Variants in SGCZ observed in about 807,000 individuals in gnomAD.
The protein encoded by SGCZ is zeta-sarcoglycan.
A neutral mutation model predicts 41.3 loss-of-function variants in SGCZ; 40 were observed. That is an observed-to-expected ratio of 0.97 (90% CI 0.75 to 1.26). SGCZ has a LOEUF of 1.26. Ranked by LOEUF, SGCZ falls within the 50% of genes most tolerant of loss-of-function variation. The pLI is 0.00. For synonymous variants in SGCZ, 206 were observed against 137.5 expected (o/e 1.50, Z -3.49); for missense variants, 552 against 369.8 (o/e 1.49, Z -4.04).
chr8:14,643,751 A>T (rs1807110099), intron 1 of SGCZ, among the ~76,000 whole-genome samples: 1 of 151,734 alleles, frequency 6.6e-6, no homozygotes, highest in Non-Finnish European at 1.5e-5. Flanking sequence ...GTCTTGCATA[A>T]TATAGTATGC....
intron 1 of SGCZ, among the ~76,000 whole-genome samples, chr8:14,800,363 G>C (rs538252408): frequency 6.6e-5 from 10 of 152,256 alleles, no homozygotes; most frequent in African/African-American, 2.4e-4. Context: ...AGAGGAATAG[G>C]GAAGGGGTTA....
chr8:14,259,115 G>A (rs563394444), intron 3 of SGCZ, among the ~76,000 whole-genome samples: 27 of 152,128 alleles, frequency 1.8e-4, no homozygotes, highest in East Asian at 3.9e-4. Context: ...TCTAGTATAC[G>A]GATTTGTAAT....
chr8:15,121,428 T>C (rs984158127), intron 1 of SGCZ, among the ~76,000 whole-genome samples: 2 of 152,282 alleles, frequency 1.3e-5, no homozygotes, highest in Non-Finnish European at 2.9e-5. Context: ...ATGTGTCATA[T>C]AGCAGATGAC....
chr8:14,166,275 A>G (rs1033216006), intron 4 of SGCZ, among the ~76,000 whole-genome samples: 2 of 152,212 alleles, frequency 1.3e-5, no homozygotes, highest in Non-Finnish European at 2.9e-5. Context: ...TATGGAAACC[A>G]TTGAAGACCT....
At chr8:14,392,874 T>C (rs7813921) in intron 2 of SGCZ, among the ~76,000 whole-genome samples, 25,509 of 152,066 alleles carry the variant, frequency 0.17, 5,007 homozygotes, top group African/African-American at 0.48. Flanking sequence ...TATCTTTATG[T>C]TCTAATAAAA....
intron 1 of SGCZ, among the ~76,000 whole-genome samples, chr8:14,990,929 G>A (rs1379087679): frequency 6.6e-6 from 1 of 152,050 alleles, no homozygotes; most frequent in Non-Finnish European, 1.5e-5. Context: ...TCCAGCATAT[G>A]ATTTAGAGTT....
chr8:14,775,289 A>T (rs192669344), intron 1 of SGCZ, among the ~76,000 whole-genome samples: 188 of 152,254 alleles, frequency 1.2e-3, no homozygotes, highest in African/African-American at 4.1e-3. Context: ...CCATTCAGTA[A>T]TCAGCTTCTC....
chr8:14,871,245 G>C (rs1353869417), intron 1 of SGCZ, among the ~76,000 whole-genome samples: 1 of 152,016 alleles, frequency 6.6e-6, no homozygotes, highest in Non-Finnish European at 1.5e-5. Flanking sequence ...ACAGATGCTG[G>C]AGAGAATGTG....
chr8:15,182,693 A>C (rs1800214104), intron 1 of SGCZ, among the ~76,000 whole-genome samples: 1 of 152,208 alleles, frequency 6.6e-6, no homozygotes, highest in African/African-American at 2.4e-5. Flanking sequence ...GGACATTACT[A>C]TATACCACCG....
intron 1 of SGCZ, among the ~76,000 whole-genome samples, chr8:14,575,904 T>C (rs1403145652): frequency 3.0e-4 from 3 of 9,944 alleles, no homozygotes; most frequent in Admixed American, 1.1e-3. Context: ...AGACCCTGTC[T>C]CAAAATAACA....
intron 1 of SGCZ, among the ~76,000 whole-genome samples, chr8:14,764,182 A>G (rs1479297324): frequency 1.3e-5 from 2 of 152,212 alleles, no homozygotes; most frequent in African/African-American, 2.4e-5. Context: ...AGATTTTTGT[A>G]AAAAAGCACT....
intron 4 of SGCZ, among the ~76,000 whole-genome samples, chr8:14,227,832 C>G (rs1806424444): frequency 6.6e-6 from 1 of 151,914 alleles, no homozygotes; most frequent in African/African-American, 2.4e-5. Flanking sequence ...TGGAATTTTC[C>G]CAAAACTAAA....
chr8:15,034,506 AG>A (rs1306428014), intron 1 of SGCZ, among the ~76,000 whole-genome samples: 2 of 152,184 alleles, frequency 1.3e-5, no homozygotes, highest in African/African-American at 2.4e-5. Flanking sequence ...TAGGAGTTTA[AG>A]GAGAAGAGAG....
At chr8:15,122,963 T>C (rs1807543203) in intron 1 of SGCZ, among the ~76,000 whole-genome samples, 2 of 152,176 alleles carry the variant, frequency 1.3e-5, no homozygotes, top group South Asian at 4.1e-4. Flanking sequence ...TGAGTCATAT[T>C]AAGTCAAGGT....
chr8:14,660,346 T>C (rs1807707245), intron 1 of SGCZ, among the ~76,000 whole-genome samples: 1 of 151,224 alleles, frequency 6.6e-6, no homozygotes, highest in South Asian at 2.1e-4. Flanking sequence ...CCGAGGTGGG[T>C]GGATCGCCTG....
At position 14,511,983 on chromosome 8, in the gene SGCZ, TAAAC is replaced by T. The variant is rs148490369; in HGVS notation, c.234+42745_234+42748del. The stretch of plus-strand genomic sequence containing the variant: ...GAAATAATAGCTGAACTCTGGAGGA[TAAAC>T]AAAGCTATAAAATTAGGGTTTTAAA... On this transcript the variant is annotated intron_variant, in intron 2 of 7. Coordinates refer to ENST00000382080, the MANE Select transcript of SGCZ (RefSeq NM_139167.4). Among the ~76,000 whole-genome samples, 1,447 of 152,254 alleles carry T rather than the reference TAAAC, an allele frequency of 9.5e-3. 27 individuals carry two copies. Among genetic ancestry groups the T allele is most frequent in the African/African-American group, 0.034 (1,395 of 41,560 alleles).
At chr8:14,396,544 T>G (rs1798925413) in intron 2 of SGCZ, among the ~76,000 whole-genome samples, 1 of 152,068 alleles carries the variant, frequency 6.6e-6, no homozygotes, top group Admixed American at 6.6e-5. Context: ...TACATAAACA[T>G]GTAAACTTTC....
In SGCZ at chr8:14,909,777, A is replaced by C. The variant is rs151318756; in HGVS notation, c.39+327808T>G. Among the ~76,000 whole-genome samples, 482 of 152,246 alleles carry C rather than the reference A, an allele frequency of 3.2e-3. 2 individuals are homozygous for C. Among genetic ancestry groups the C allele is most frequent in the Non-Finnish European group, 5.0e-3 (343 of 67,964 alleles). ...AAATTTATTATACCTCATTCTCTTC[A>C]AAGCACTCTGGTTTGTCCATCTACT... is the stretch of plus-strand genomic sequence containing the variant. On this transcript the variant is annotated intron_variant, in intron 1 of 7. Transcript: ENST00000382080.
intron 1 of SGCZ, among the ~76,000 whole-genome samples, chr8:15,194,823 C>T (rs953531620): frequency 3.0e-4 from 45 of 152,122 alleles, no homozygotes; most frequent in Non-Finnish European, 5.7e-4. Context: ...CCAAATGAAA[C>T]TCATTCTGGA....
Sources: gnomAD v4.1 joint callset for allele counts (sites outside exome capture counted in the v4.1 genomes callset) on GRCh38, gnomAD v4.1.1 for gene constraint, MANE v1.5 for transcripts, NCBI Gene and HGNC (gene_info 2026-07-23, HGNC 2026-07-21) for gene names.